The following PRKAR2A variants were observed in gnomAD, a reference collection of about 807,000 sequenced individuals.
PRKAR2A encodes the protein cAMP-dependent protein kinase type II-alpha regulatory subunit.
Under a neutral mutation model 51.9 loss-of-function variants are expected in PRKAR2A, and 29 were observed. The ratio of observed to expected loss-of-function variants is 0.56; its 90% confidence interval spans 0.42 to 0.76. The LOEUF (loss-of-function observed/expected upper bound fraction) is 0.76, where lower values mean the gene tolerates loss of function less well. Ranked by LOEUF, PRKAR2A falls within the 30% of genes least tolerant of loss-of-function variation. The pLI, the probability that PRKAR2A is intolerant of heterozygous loss-of-function variation, is 0.00. For synonymous variants in PRKAR2A, 178 were observed against 186.2 expected, an observed-to-expected ratio of 0.96 and a Z score of 0.36; for missense variants, 445 against 512.1, an observed-to-expected ratio of 0.87 and a Z score of 1.26.
chr3:48,844,788 G>A (rs2083435862), intron 1 of PRKAR2A, among the ~76,000 whole-genome samples: 1 of 147,222 alleles, frequency 6.8e-6, no homozygotes, highest in African/African-American at 2.5e-5. Context: ...ATTGAACAAT[G>A]AGAACACATG....
At chr3:48,779,117 G>A (rs907734790) in intron 5 of PRKAR2A, among the ~76,000 whole-genome samples, 3 of 151,888 alleles carry the variant, frequency 2.0e-5, no homozygotes, top group African/African-American at 2.4e-5. Context: ...GTGAGCCACC[G>A]TGCCCGGCCT....
chr3:48,754,913 T>TTG (rs2081734093), intron 9 of PRKAR2A, among the ~76,000 whole-genome samples: 7 of 135,370 alleles, frequency 5.2e-5, no homozygotes, highest in Non-Finnish European at 4.7e-5. Context: ...CAAGACTCAC[T>TTG]CAAAAAAAAA....
At chr3:48,791,592 C>CAAAAA (rs35978535) in intron 3 of PRKAR2A, among the ~76,000 whole-genome samples, 6 of 41,812 alleles carry the variant, frequency 1.4e-4, no homozygotes, top group African/African-American at 3.3e-4. Context: ...GATTCCGTCT[C>CAAAAA]AAAAAAAAAA....
chr3:48,844,751 A>G (rs1278089167), intron 1 of PRKAR2A, among the ~76,000 whole-genome samples: 3 of 149,420 alleles, frequency 2.0e-5, no homozygotes, highest in East Asian at 4.0e-4. Context: ...AAAACCAAAC[A>G]CCGCATGTTC....
chr3:48,758,445 T>G (rs2081808426), intron 8 of PRKAR2A, among the ~76,000 whole-genome samples: 1 of 149,410 alleles, frequency 6.7e-6, no homozygotes, highest in African/African-American at 2.5e-5. Context: ...TAGCCAGGCG[T>G]GGTGGTGTGT....
At chr3:48,826,510 TTG>T (rs1423543965) in intron 1 of PRKAR2A, among the ~76,000 whole-genome samples, 1 of 152,158 alleles carries the variant, frequency 6.6e-6, no homozygotes, top group Non-Finnish European at 1.5e-5. Flanking sequence ...TCCACCAATT[TTG>T]TGTTGAGAGT....
intron 5 of PRKAR2A, among the ~76,000 whole-genome samples, chr3:48,773,429 C>T (rs925175913): frequency 4.7e-5 from 7 of 149,782 alleles, no homozygotes; most frequent in Non-Finnish European, 1.0e-4. Flanking sequence ...CTGCAAGCTC[C>T]ACCTCCTGGG....
chr3:48,801,170 G>C (rs1199215278), intron 2 of PRKAR2A, among the ~76,000 whole-genome samples: 1 of 152,038 alleles, frequency 6.6e-6, no homozygotes, highest in East Asian at 1.9e-4. Flanking sequence ...ATTATTTTTT[G>C]AGACGGAATT....
intron 4 of PRKAR2A, among the ~76,000 whole-genome samples, chr3:48,784,415 A>AG (rs1364604416): frequency 2.6e-4 from 40 of 152,350 alleles, no homozygotes; most frequent in African/African-American, 8.2e-4. Context: ...AATACTAAAA[A>AG]GGATGGCTTG....
intron 6 of PRKAR2A, among the ~76,000 whole-genome samples, chr3:48,767,259 G>A (rs567603725): frequency 1.1e-3 from 172 of 151,872 alleles, no homozygotes; most frequent in African/African-American, 3.5e-3. Context: ...CAGACGGATC[G>A]CTTGAGGTCA....
At position 48,773,108 on chromosome 3, in the gene PRKAR2A, C is replaced by T. The variant is rs1293646533; in HGVS notation, c.543G>A (p.Arg181=). ...TTGTTACTAAAATGTCATAAGTTCC[C>T]CTAGAAGAATGACAAAGAATAATTT... ...DDGDNFYVIE[R]GTYDILVTKD... The change falls in exon 6 of 11, where the codon CGG becomes CGA. Residue 181 remains arginine (R), a splice_region_variant and synonymous_variant. Transcript: ENST00000265563. 1 of 1,597,160 alleles carries T rather than the reference C, an allele frequency of 6.3e-7. No individual in the cohort carries two copies. The highest frequency in any genetic ancestry group is 8.6e-7 in the Non-Finnish European group (1 of 1,168,752).
chr3:48,784,638 A>G (rs2082257667), intron 4 of PRKAR2A, among the ~76,000 whole-genome samples: 1 of 152,168 alleles, frequency 6.6e-6, no homozygotes, highest in Non-Finnish European at 1.5e-5. Context: ...GTGTCATGAG[A>G]TATAGAATAA....
chr3:48,785,496 G>T (rs1034427204), intron 4 of PRKAR2A, among the ~76,000 whole-genome samples: 6 of 152,066 alleles, frequency 3.9e-5, no homozygotes, highest in Non-Finnish European at 8.8e-5. Context: ...CTGACCTCAG[G>T]TAATCCGCCC....
chr3:48,802,242 A>G (rs560629935), intron 2 of PRKAR2A, among the ~76,000 whole-genome samples: 1 of 152,184 alleles, frequency 6.6e-6, no homozygotes, highest in Admixed American at 6.5e-5. Flanking sequence ...GGATTTCACC[A>G]TGTTGGCCAG....
intron 6 of PRKAR2A, among the ~76,000 whole-genome samples, chr3:48,766,384 A>G (rs958269935): frequency 3.3e-5 from 5 of 151,768 alleles, no homozygotes; most frequent in African/African-American, 1.2e-4. Flanking sequence ...GCTGTGCAAC[A>G]TGGTGAAACC....
intron 5 of PRKAR2A, among the ~76,000 whole-genome samples, chr3:48,774,483 T>C (rs1017383836): frequency 6.6e-6 from 1 of 152,050 alleles, no homozygotes; most frequent in South Asian, 2.1e-4. Flanking sequence ...GGGCAACGTA[T>C]GGAGACTTCT....
intron 1 of PRKAR2A, among the ~76,000 whole-genome samples, chr3:48,828,094 G>C (rs2083099106): frequency 6.6e-6 from 1 of 152,182 alleles, no homozygotes; most frequent in African/African-American, 2.4e-5. Flanking sequence ...TCGAACTCCT[G>C]AGCTCAGGCG....
At chr3:48,838,925 A>G (rs2083330252) in intron 1 of PRKAR2A, among the ~76,000 whole-genome samples, 1 of 151,818 alleles carries the variant, frequency 6.6e-6, no homozygotes, top group Non-Finnish European at 1.5e-5. Flanking sequence ...TGGAGCTTGC[A>G]GTCAGCCGAG....
At chr3:48,819,968 CCTA>C (rs2082936128) in intron 1 of PRKAR2A, among the ~76,000 whole-genome samples, 1 of 152,190 alleles carries the variant, frequency 6.6e-6, no homozygotes, top group African/African-American at 2.4e-5. Flanking sequence ...CCCAACTCTG[CCTA>C]CTACTTCCAA....
Sources: allele counts gnomAD v4.1 joint callset (sites outside exome capture counted in the v4.1 genomes callset), GRCh38; gene constraint gnomAD v4.1.1; transcripts MANE v1.5; gene names NCBI Gene and HGNC (gene_info 2026-07-23, HGNC 2026-07-21).